CLSTN2: variants seen among roughly 807,000 people sequenced by gnomAD.
CLSTN2 encodes the protein calsyntenin 2.
In CLSTN2, 48 loss-of-function variants were observed where a neutral mutation model predicts 101.2. That is an observed-to-expected ratio of 0.47 (90% CI 0.38 to 0.60). The LOEUF is 0.60. Ranked by LOEUF, CLSTN2 falls within the 20% of genes least tolerant of loss-of-function variation. The pLI, the probability that CLSTN2 is intolerant of heterozygous loss-of-function variation, is 0.00. For synonymous variants in CLSTN2, 481 were observed against 463.6 expected (o/e 1.04, Z -0.48); for missense variants, 1,160 against 1,238.2 (o/e 0.94, Z 0.95).
At position 140,566,364 on chromosome 3, in the gene CLSTN2, C is replaced by T; in HGVS notation, c.*111C>T. 1 of 1,107,422 alleles carries T rather than the reference C, an allele frequency of 9.0e-7. No individual in the cohort carries two copies. The highest frequency in any genetic ancestry group is 1.3e-6 in the Non-Finnish European group (1 of 761,438). The allele number at this position is 1,107,422 out of a possible 1,614,324, so 68.6% of individuals were successfully genotyped here. On this transcript the variant is annotated 3_prime_UTR_variant, in exon 17 of 17. Transcript: ENST00000458420. ...GATGTCTGTGACATGTCTGGGAAGG[C>T]CTTCTCCAGCTTCCTGGAGCCCACC... is the stretch of plus-strand genomic sequence containing the variant.
chr3:139,988,490 T>C (rs748960306), intron 1 of CLSTN2, among the ~76,000 whole-genome samples: 1 of 152,194 alleles, frequency 6.6e-6, no homozygotes, highest in Non-Finnish European at 1.5e-5. Context: ...GTGTTCAGTA[T>C]GTACTGGCTG....
intron 2 of CLSTN2, among the ~76,000 whole-genome samples, chr3:140,213,444 T>C (rs2010882690): frequency 6.6e-6 from 1 of 152,216 alleles, no homozygotes. Context: ...TGCCTATTGC[T>C]TGGCATGAGC....
chr3:140,563,125 A>G lies in CLSTN2; in HGVS notation c.2404A>G (p.Asn802Asp). 1 of 1,614,006 alleles carries G rather than the reference A, an allele frequency of 6.2e-7. No individual in the cohort carries two copies. The change falls in exon 15 of 17, where the codon AAT (asparagine) becomes GAT (aspartate). Residue 802 changes from asparagine to aspartate, a missense_variant. Coordinates refer to ENST00000458420, the MANE Select transcript of CLSTN2 (RefSeq NM_022131.3). ...CCAAGTCTCAGATAAGGAGCATGTCAATCATCTGATTGTGCAGCCTCCCTT... is the reference window on the plus strand; with the variant it reads ...CCAAGTCTCAGATAAGGAGCATGTCGATCATCTGATTGTGCAGCCTCCCTT... Reference protein sequence around the residue: ...EDQVSDKEHVNHLIVQPPFLQ... With the variant: ...EDQVSDKEHVDHLIVQPPFLQ...
chr3:140,202,693 C>T (rs557137567), intron 2 of CLSTN2, among the ~76,000 whole-genome samples: 1 of 152,146 alleles, frequency 6.6e-6, no homozygotes, highest in East Asian at 1.9e-4. Context: ...TTCAGATGTT[C>T]AAGAGAAGAG....
chr3:140,368,313 T>G (rs1576535516), intron 2 of CLSTN2, among the ~76,000 whole-genome samples: 1 of 152,300 alleles, frequency 6.6e-6, no homozygotes, highest in African/African-American at 2.4e-5. Flanking sequence ...GCTCTCTCCC[T>G]CTGGCTTCCA....
intron 2 of CLSTN2, among the ~76,000 whole-genome samples, chr3:140,216,369 C>G (rs774490386): frequency 6.6e-6 from 1 of 152,146 alleles, no homozygotes; most frequent in Non-Finnish European, 1.5e-5. Flanking sequence ...TGAGGAAGTA[C>G]AGCACTAACG....
chr3:140,499,553 C>G (rs1576599839), intron 8 of CLSTN2, among the ~76,000 whole-genome samples: 1 of 152,162 alleles, frequency 6.6e-6, no homozygotes, highest in East Asian at 1.9e-4. Flanking sequence ...GCCCAATGGC[C>G]TGGGATACAG....
intron 2 of CLSTN2, among the ~76,000 whole-genome samples, chr3:140,301,125 T>C (rs2087054625): frequency 6.6e-6 from 1 of 152,200 alleles, no homozygotes; most frequent in Non-Finnish European, 1.5e-5. Flanking sequence ...GAGGACAGTC[T>C]ACTTTGGTGA....
intron 2 of CLSTN2, among the ~76,000 whole-genome samples, chr3:140,353,459 G>C (rs2087633789): frequency 6.6e-6 from 1 of 152,068 alleles, no homozygotes; most frequent in Non-Finnish European, 1.5e-5. Flanking sequence ...ACATTTTTCT[G>C]CCTGTTTTAT....
intron 2 of CLSTN2, among the ~76,000 whole-genome samples, chr3:140,293,757 G>A (rs2086976363): frequency 6.6e-6 from 1 of 152,022 alleles, no homozygotes; most frequent in South Asian, 2.1e-4. Flanking sequence ...TTTGATTCTG[G>A]GCTTGTTGGG....
intron 1 of CLSTN2, among the ~76,000 whole-genome samples, chr3:140,121,147 C>G (rs1265287470): frequency 6.6e-6 from 1 of 152,082 alleles, no homozygotes; most frequent in African/African-American, 2.4e-5. Context: ...TATTACCACC[C>G]CTGCGCTAGA....
intron 1 of CLSTN2, among the ~76,000 whole-genome samples, chr3:139,945,684 G>A (rs1465924793): frequency 5.3e-5 from 8 of 152,148 alleles, no homozygotes; most frequent in African/African-American, 1.9e-4. Context: ...TTGATGTGTT[G>A]TTTTCCAATT....
chr3:140,135,894 G>A (rs111506507), intron 1 of CLSTN2, among the ~76,000 whole-genome samples: 1 of 152,114 alleles, frequency 6.6e-6, no homozygotes, highest in South Asian at 2.1e-4. Flanking sequence ...TGTTTGTCTC[G>A]AGAGCATTGG....
intron 1 of CLSTN2, among the ~76,000 whole-genome samples, chr3:140,007,777 T>C (rs1024060429): frequency 6.6e-6 from 1 of 152,218 alleles, no homozygotes; most frequent in African/African-American, 2.4e-5. Flanking sequence ...ACTGAGACTG[T>C]ACATCATGTT....
intron 1 of CLSTN2, among the ~76,000 whole-genome samples, chr3:140,026,193 G>T (rs983065979): frequency 6.6e-6 from 1 of 152,198 alleles, no homozygotes; most frequent in Non-Finnish European, 1.5e-5. Context: ...AAACATTGGA[G>T]TTGGGGACTA....
chr3:140,437,117 C>T (rs1279753619), intron 5 of CLSTN2, among the ~76,000 whole-genome samples: 2 of 149,134 alleles, frequency 1.3e-5, no homozygotes, highest in Non-Finnish European at 3.0e-5. Flanking sequence ...GGTACAATCT[C>T]AGCTCACTGC....
At chr3:140,544,540 G>A (rs1935548266) in intron 9 of CLSTN2, among the ~76,000 whole-genome samples, 1 of 152,148 alleles carries the variant, frequency 6.6e-6, no homozygotes, top group Non-Finnish European at 1.5e-5. Flanking sequence ...CCCAGCACCA[G>A]GAATCAGTTT....
intron 2 of CLSTN2, among the ~76,000 whole-genome samples, chr3:140,288,234 A>T (rs961487459): frequency 1.3e-5 from 2 of 152,170 alleles, no homozygotes; most frequent in Admixed American, 6.6e-5. Context: ...CATAAATATA[A>T]GTAAAAAATT....
At chr3:140,475,448 T>A (rs924934733) in intron 8 of CLSTN2, among the ~76,000 whole-genome samples, 1 of 152,248 alleles carries the variant, frequency 6.6e-6, no homozygotes, top group Non-Finnish European at 1.5e-5. Flanking sequence ...AGCTGATTTC[T>A]CAAAGTTTTC....
Sources: gnomAD v4.1 joint callset for allele counts (sites outside exome capture counted in the v4.1 genomes callset) on GRCh38, gnomAD v4.1.1 for gene constraint, MANE v1.5 for transcripts, NCBI Gene and HGNC (gene_info 2026-07-23, HGNC 2026-07-21) for gene names.